ZDHHC8: variants seen among roughly 807,000 people sequenced by gnomAD.
The protein encoded by ZDHHC8 is zDHHC palmitoyltransferase 8, also known as palmitoyltransferase ZDHHC8.
Under a neutral mutation model 61.2 loss-of-function variants are expected in ZDHHC8, and 24 were observed. The observed-to-expected ratio is 0.39, with a 90% confidence interval of 0.28 to 0.55. The LOEUF (loss-of-function observed/expected upper bound fraction) is 0.55. Among genes scored for constraint, ZDHHC8 ranks in the 20% least tolerant of loss-of-function variants. ZDHHC8 has a pLI of 0.60. For synonymous variants in ZDHHC8, 523 were observed against 492.5 expected, an observed-to-expected ratio of 1.06 and a Z score of -0.82; for missense variants, 935 against 1,102.1, an observed-to-expected ratio of 0.85 and a Z score of 2.15.
intron 1 of ZDHHC8, among the ~76,000 whole-genome samples, chr22:20,133,621 CA>C (rs2050396342): frequency 6.7e-6 from 1 of 150,262 alleles, no homozygotes; most frequent in South Asian, 2.1e-4. Context: ...CCCAGCTACA[CA>C]GGAGACTGAA....
Position 20,140,652 on chromosome 22 carries a change from C to T in ZDHHC8, c.696C>T (p.Phe232=), listed in dbSNP as rs2148006672. Residue 232 remains phenylalanine, a synonymous_variant, in exon 6 of 11, where the codon TTC becomes TTT. Coordinates refer to ENST00000334554, the MANE Select transcript of ZDHHC8 (RefSeq NM_013373.4). ...AGTTCCGCGGGGGTGTGAACCCTTT[C>T]ACCCGAGGCTGCTGTGGGAATGTGG... ...TGKFRGGVNP[F]TRGCCGNVEH... is the part of the protein sequence containing the mutation. The T allele has an allele frequency of 6.2e-7, 1 of 1,611,646 alleles. No homozygotes were observed. Among genetic ancestry groups the T allele is most frequent in the Non-Finnish European group, 8.5e-7 (1 of 1,179,480 alleles).
intron 10 of ZDHHC8, among the ~76,000 whole-genome samples, chr22:20,144,137 C>T (rs990961998): frequency 1.3e-5 from 2 of 152,172 alleles, no homozygotes; most frequent in Non-Finnish European, 2.9e-5. Context: ...TGGCCCTGTC[C>T]ACCCAGGGCT....
At position 20,146,818 on chromosome 22, in the gene ZDHHC8, T is replaced by C; in HGVS notation, c.*1418T>C. Reference sequence around the variant, plus strand: ...GGGGCCACCTGTTGGCTCAGGGCCCTGTGGGGGCCGCTGAACCTGCTGGAA... The same window carrying C: ...GGGGCCACCTGTTGGCTCAGGGCCCCGTGGGGGCCGCTGAACCTGCTGGAA... On this transcript the variant is annotated 3_prime_UTR_variant, in exon 11 of 11. Transcript: ENST00000334554. 2 of 1,246,776 alleles carry C rather than the reference T, an allele frequency of 1.6e-6. No homozygotes were observed. Among genetic ancestry groups the C allele is most frequent in the Non-Finnish European group, 2.0e-6 (2 of 996,726 alleles). 77.2% of individuals were successfully genotyped at this position (1,246,776 alleles called of 1,614,324 possible). A position where few individuals can be genotyped will look rare whatever the true frequency, so the allele number is the denominator to read the frequency against.
Position 20,142,969 on chromosome 22 carries a change from G to C in ZDHHC8, c.1339G>C (p.Ala447Pro). The change falls in exon 10 of 11, where the codon GCC becomes CCC. Residue 447 changes from alanine (A) to proline (P), a missense_variant. By Grantham distance (27) the Ala-to-Pro change is conservative. Transcript: ENST00000334554. Reference sequence around the variant, plus strand: ...GAGCCGGCGGGGCGGGGATCATGTGGCCCTGCAGCCCCTGCGCTCTGAGGG... The same window carrying C: ...GAGCCGGCGGGGCGGGGATCATGTGCCCCTGCAGCCCCTGCGCTCTGAGGG... ...ASSRRGGDHV[A>P]LQPLRSEGGP... 1 of 1,601,984 alleles carries C rather than the reference G, an allele frequency of 6.2e-7. No individual in the cohort carries two copies. Among genetic ancestry groups the C allele is most frequent in the Non-Finnish European group, 8.5e-7 (1 of 1,172,762 alleles).
Position 20,146,081 on chromosome 22 carries a change from C to T in ZDHHC8, c.*681C>T, listed in dbSNP as rs527715692. 34 of 985,830 alleles carry T rather than the reference C, an allele frequency of 3.4e-5. No homozygotes were observed. In the East Asian group the frequency reaches 6.8e-4, roughly 20 times the overall value. The allele number at this position is 985,830 out of a possible 1,614,324, so 61.1% of individuals were successfully genotyped here. ...GTGTCTGATGTGTCAGTGCTCCGGC[C>T]GCCGCTGTCCCTTTCATCAAAGCCT... is the stretch of plus-strand genomic sequence containing the variant. On this transcript the variant is annotated 3_prime_UTR_variant, in exon 11 of 11. Transcript: ENST00000334554.
rs761223250 is a variant in ZDHHC8 at position 20,140,240 on chromosome 22, G to C, written c.660+23G>C. The C allele has an allele frequency of 6.8e-6, 11 of 1,606,062 alleles. 1 individual carries two copies. The Middle Eastern group carries it at 1.8e-3, about 266-fold the overall frequency. On this transcript the variant is annotated intron_variant, in intron 5 of 10. Transcript: ENST00000334554. The stretch of plus-strand genomic sequence containing the variant: ...CAGGTGCAGACCCCATGGGGGATGG[G>C]TGGCCCCAAAGGGCCGAGAGAGTTG...
In ZDHHC8 at chr22:20,140,982, C is replaced by A; in HGVS notation, c.864C>A (p.Asn288Lys). The change falls in exon 7 of 11, where the codon AAC becomes AAA. Residue 288 changes from asparagine to lysine, a missense_variant. Asn to Lys is a moderately conservative substitution (Grantham distance 94). This residue lies in a region of ZDHHC8 where 692 missense variants were observed against 731.4 expected (regional missense o/e 0.95). Coordinates refer to ENST00000334554, the MANE Select transcript of ZDHHC8 (RefSeq NM_013373.4). Reference sequence around the variant, plus strand: ...CGCTCAAGGTCAAGCTTAGTGACAACGGGCTGAAGGCTGGCCTGGGCCGTA... The same window carrying A: ...CGCTCAAGGTCAAGCTTAGTGACAAAGGGCTGAAGGCTGGCCTGGGCCGTA... ...AAPLKVKLSD[N>K]GLKAGLGRSK... 6.2e-7 allele frequency: 1 copy of A among 1,611,204 alleles called. No homozygotes were observed. Among genetic ancestry groups the A allele is most frequent in the Non-Finnish European group, 8.5e-7 (1 of 1,179,980 alleles).
At position 20,139,572 on chromosome 22, in the gene ZDHHC8, C is replaced by T. The variant is rs1486246321; in HGVS notation, c.321C>T (p.Ala107=). The change falls in exon 3 of 11, where the codon GCC becomes GCT. Residue 107 remains alanine, a synonymous_variant. Transcript: ENST00000334554. The part of the protein sequence containing the change: ...RGIQVRMKWC[A]TCHFYRPPRC... ...TCCAGGTCCGCATGAAGTGGTGTGC[C>T]ACGTGCCACTTCTACCGCCCGCCGC... is the stretch of plus-strand genomic sequence containing the variant. 4 of 1,613,286 alleles carry T rather than the reference C, an allele frequency of 2.5e-6. No individual in the cohort carries two copies. Among genetic ancestry groups the T allele is most frequent in the East Asian group, 4.5e-5 (2 of 44,882 alleles).
Position 20,147,418 on chromosome 22 carries a change from C to T in ZDHHC8, c.*2018C>T. On this transcript the variant is annotated 3_prime_UTR_variant, in exon 11 of 11. Coordinates refer to ENST00000334554, the MANE Select transcript of ZDHHC8 (RefSeq NM_013373.4). Reference sequence around the variant, plus strand: ...GTGTCCACATGACCTCAGGGAGTCCCCCACCTGCTGCAGGGGGTCCAGCAC... The same window carrying T: ...GTGTCCACATGACCTCAGGGAGTCCTCCACCTGCTGCAGGGGGTCCAGCAC... The T allele has an allele frequency of 1.8e-6, 1 of 565,496 alleles. No individual in the cohort carries two copies. The highest frequency in any genetic ancestry group is 2.9e-6 in the Non-Finnish European group (1 of 349,910). The allele number at this position is 565,496 out of a possible 1,614,324, so 35.0% of individuals were successfully genotyped here. A position where few individuals can be genotyped will look rare whatever the true frequency, so the allele number is the denominator to read the frequency against.
intron 1 of ZDHHC8, among the ~76,000 whole-genome samples, chr22:20,138,002 G>A (rs1398660169): frequency 6.6e-6 from 1 of 152,276 alleles, no homozygotes; most frequent in Non-Finnish European, 1.5e-5. Flanking sequence ...GTCGTGGGAA[G>A]CGGAGTCTTT....
chr22:20,133,909 C>T (rs2050399365), intron 1 of ZDHHC8, among the ~76,000 whole-genome samples: 1 of 152,168 alleles, frequency 6.6e-6, no homozygotes, highest in South Asian at 2.1e-4. Flanking sequence ...TTCCCTCACG[C>T]GTGATGTCAG....
In ZDHHC8 at chr22:20,139,726, GACC is replaced by G; in HGVS notation, c.397_399del (p.His133del). 6.2e-7 allele frequency: 1 copy of G among 1,612,368 alleles called. No homozygotes were observed. The highest frequency in any genetic ancestry group is 2.2e-5 in the East Asian group (1 of 44,884). ...ATGCACTGCTCCCGCCCAGGACTTT[GACC>G]ACCACTGCCCCTGGGTCAACAACTG... is the stretch of plus-strand genomic sequence containing the variant. On this transcript the variant is annotated inframe_deletion, in exon 4 of 11. Transcript: ENST00000334554.
intron 1 of ZDHHC8, among the ~76,000 whole-genome samples, chr22:20,135,147 C>T (rs535550992): frequency 1.3e-5 from 2 of 151,972 alleles, no homozygotes; most frequent in South Asian, 2.1e-4. Flanking sequence ...GATGGGGTCT[C>T]GCTATGTTGC....
chr22:20,145,648 T>C lies in ZDHHC8; in HGVS notation c.*248T>C, dbSNP rs1331386579. 9.6e-6 allele frequency: 11 copies of C among 1,144,906 alleles called. No homozygotes were observed. The highest frequency in any genetic ancestry group is 1.1e-5 in the Non-Finnish European group (10 of 931,402). 70.9% of individuals were successfully genotyped at this position (1,144,906 alleles called of 1,614,324 possible). A position where few individuals can be genotyped will look rare whatever the true frequency, so the allele number is the denominator to read the frequency against. On this transcript the variant is annotated 3_prime_UTR_variant, in exon 11 of 11. Coordinates refer to ENST00000334554, the MANE Select transcript of ZDHHC8 (RefSeq NM_013373.4). The stretch of plus-strand genomic sequence containing the variant: ...CACTGGGCTGGTCTGTGTCTGGGCC[T>C]GTCCCATGGCTGGGGCAGTGAGGGG...
rs148618709 is a variant in ZDHHC8 at position 20,146,670 on chromosome 22, C to T, written c.*1270C>T. The T allele has an allele frequency of 7.6e-6, 8 of 1,051,342 alleles. No homozygotes were observed. The highest frequency in any genetic ancestry group is 5.0e-5 in the African/African-American group (3 of 59,794). The allele number at this position is 1,051,342 out of a possible 1,614,324, so 65.1% of individuals were successfully genotyped here. A position where few individuals can be genotyped will look rare whatever the true frequency, so the allele number is the denominator to read the frequency against. On this transcript the variant is annotated 3_prime_UTR_variant, in exon 11 of 11. Transcript: ENST00000334554. ...GTGGCTGGGAAGTGTGAGGGTCTCT[C>T]GCCTTGGGTCTGTGTCAGTTCTGGC...
intron 1 of ZDHHC8, among the ~76,000 whole-genome samples, chr22:20,135,365 C>G (rs946771649): frequency 1.3e-5 from 2 of 152,158 alleles, no homozygotes; most frequent in Non-Finnish European, 2.9e-5. Flanking sequence ...GCCAGGCTCC[C>G]GACCCTGCCC....
At chr22:20,140,824 T>G in intron 6 of ZDHHC8, 47 bp from the exon 7 acceptor site, 1 of 1,600,624 alleles carries the variant, frequency 6.2e-7, no homozygotes, top group African/African-American at 1.3e-5. Context: ...TGCCCTTGTG[T>G]GTTTGTGGCA....
rs778013134 is a variant in ZDHHC8, at chr22:20,141,219, C to T, written c.897C>T (p.Ser299=). 2 of 1,611,050 alleles carry T rather than the reference C, an allele frequency of 1.2e-6. No homozygotes were observed. The highest frequency in any genetic ancestry group is 2.2e-5 in the South Asian group (2 of 90,830). ...GLKAGLGRSK[S]KGSLDRLDEK... The stretch of plus-strand genomic sequence containing the variant: ...CCACTGACCCCGCTCCCTCCCAGTC[C>T]AAGGGCAGCCTGGACCGGCTGGATG... The change falls in exon 8 of 11, where the codon TCC becomes TCT. Residue 299 remains serine (S), a splice_region_variant and synonymous_variant. Transcript: ENST00000334554.
chr22:20,136,348 C>T lies in ZDHHC8; in HGVS notation c.105-2846C>T, dbSNP rs188067849. Among the ~76,000 whole-genome samples, 16 of 152,366 alleles carry T rather than the reference C, an allele frequency of 1.1e-4. No individual in the cohort carries two copies. The East Asian group carries it at 2.9e-3, about 28-fold the overall frequency. On this transcript the variant is annotated intron_variant, in intron 1 of 10. Coordinates refer to ENST00000334554, the MANE Select transcript of ZDHHC8 (RefSeq NM_013373.4). Reference sequence around the variant, plus strand: ...TGTGGGAATGCGTGTCTTTGAGTGTCCCTGAGCATCCACACATGGCCTCCC... The same window carrying T: ...TGTGGGAATGCGTGTCTTTGAGTGTTCCTGAGCATCCACACATGGCCTCCC...
Sources: gnomAD v4.1 joint callset for allele counts (sites outside exome capture counted in the v4.1 genomes callset) on GRCh38, gnomAD v4.1.1 for gene constraint, gnomAD v4.1.1 regional missense constraint, MANE v1.5 for transcripts, NCBI Gene and HGNC (gene_info 2026-07-23, HGNC 2026-07-21) for gene names.